The following DOCK2 variants were observed in gnomAD, a reference collection of about 807,000 sequenced individuals.
DOCK2 encodes dedicator of cytokinesis protein 2.
DOCK2 carries 87 observed loss-of-function variants against 248.9 expected under a neutral mutation model. That is an observed-to-expected ratio of 0.35 (90% CI 0.29 to 0.42). The LOEUF (loss-of-function observed/expected upper bound fraction) is 0.42, where lower values mean the gene tolerates loss of function less well. DOCK2 is among the 10% of genes least tolerant of loss of function. The probability of loss-of-function intolerance (pLI) is 1.00; values close to 1 mark genes in which losing one functional copy is unlikely to be tolerated. For synonymous variants in DOCK2, 805 were observed against 821.6 expected (o/e 0.98, Z 0.35); for missense variants, 1,747 against 2,300.2 (o/e 0.76, Z 4.92).
At chr5:169,753,905 T>C (rs155342) in intron 23 of DOCK2, among the ~76,000 whole-genome samples, 48,163 of 152,140 alleles carry the variant, frequency 0.32, 10,846 homozygotes, top group African/African-American at 0.62. Context: ...TTCCAGTTTC[T>C]ATGGACCTTG....
In DOCK2 at chr5:170,082,998, C is replaced by A; in HGVS notation, c.*140C>A. ...CCTTACTTAGAGGAGACAGAGAGGC[C>A]AATCAGGTCCCAGAGCTTGAATGCT... On this transcript the variant is annotated 3_prime_UTR_variant, in exon 52 of 52. Coordinates refer to ENST00000520908, the MANE Select transcript of DOCK2 (RefSeq NM_004946.3). 9.6e-7 allele frequency: 1 copy of A among 1,045,156 alleles called. No individual in the cohort carries two copies. The highest frequency in any genetic ancestry group is 1.4e-6 in the Non-Finnish European group (1 of 709,442). The allele number at this position is 1,045,156 out of a possible 1,614,324, so 64.7% of individuals were successfully genotyped here.
chr5:169,761,145 A>C (rs908528738), intron 24 of DOCK2, among the ~76,000 whole-genome samples: 1 of 152,240 alleles, frequency 6.6e-6, no homozygotes. Context: ...TCCTAGCTGC[A>C]TAACCTTAGA....
chr5:169,738,304 T>G (rs1055558530), intron 22 of DOCK2, among the ~76,000 whole-genome samples: 1 of 152,030 alleles, frequency 6.6e-6, no homozygotes, highest in Non-Finnish European at 1.5e-5. Flanking sequence ...AGAAACTGGA[T>G]TGAAAGAAAA....
chr5:169,791,930 A>G (rs1766361133), intron 25 of DOCK2, among the ~76,000 whole-genome samples: 2 of 152,192 alleles, frequency 1.3e-5, no homozygotes, highest in Non-Finnish European at 2.9e-5. Flanking sequence ...AAAATATGTT[A>G]TAGTGACCCT....
chr5:170,036,652 C>A, intron 36 of DOCK2, 97 bp downstream of exon 36: 1 of 1,216,222 alleles, frequency 8.2e-7, no homozygotes, highest in Non-Finnish European at 1.1e-6. Flanking sequence ...AAAATTTAAA[C>A]TTCTCTTCTT....
chr5:170,003,368 C>T (rs143366433), intron 30 of DOCK2, among the ~76,000 whole-genome samples: 30 of 152,370 alleles, frequency 2.0e-4, no homozygotes, highest in Middle Eastern at 3.4e-3. Context: ...AAGACACTGA[C>T]ACATGTGCTC....
chr5:169,639,555 C>T (rs1478519681), intron 1 of DOCK2, among the ~76,000 whole-genome samples: 1 of 152,214 alleles, frequency 6.6e-6, no homozygotes, highest in Admixed American at 6.5e-5. Context: ...ACTTCTGCCT[C>T]CTGAGCCACA....
intron 22 of DOCK2, among the ~76,000 whole-genome samples, chr5:169,730,483 C>T (rs1170225298): frequency 1.3e-5 from 2 of 152,150 alleles, no homozygotes; most frequent in African/African-American, 4.8e-5. Context: ...TTATTCTAGG[C>T]ACATTGCAAA....
intron 27 of DOCK2, among the ~76,000 whole-genome samples, chr5:169,905,279 C>A (rs1017584061): frequency 3.8e-5 from 5 of 130,770 alleles, no homozygotes; most frequent in African/African-American, 1.2e-4. Flanking sequence ...AGGAGCAGTA[C>A]TGTTAGAGCC....
At chr5:169,808,594 C>G (rs532590039) in intron 26 of DOCK2, among the ~76,000 whole-genome samples, 65 of 152,036 alleles carry the variant, frequency 4.3e-4, no homozygotes, top group African/African-American at 1.4e-3. Context: ...TTTTCTCCCC[C>G]CTCACTGAGC....
Position 169,949,095 on chromosome 5 carries a change from A to G in DOCK2, c.2800-33973A>G, listed in dbSNP as rs372471292. 1.8e-3 allele frequency among the ~76,000 whole-genome samples: 280 copies of G among 152,324 alleles called. 6 individuals carry two copies. The South Asian group carries it at 0.048, about 26-fold the overall frequency. On this transcript the variant is annotated intron_variant, in intron 27 of 51. Coordinates refer to ENST00000520908, the MANE Select transcript of DOCK2 (RefSeq NM_004946.3). ...AGGAAAAGCAGAGCATGTGGATAAA[A>G]GTGTATAGCCCTGTATTCGAATTTC...
At chr5:169,874,098 T>A (rs1772158674) in intron 27 of DOCK2, among the ~76,000 whole-genome samples, 2 of 151,870 alleles carry the variant, frequency 1.3e-5, no homozygotes, top group Admixed American at 1.3e-4. Flanking sequence ...AATTTATGAG[T>A]GGATGCATCA....
chr5:169,829,521 G>A (rs1252468514), intron 26 of DOCK2, among the ~76,000 whole-genome samples: 1 of 152,156 alleles, frequency 6.6e-6, no homozygotes, highest in Admixed American at 6.6e-5. Context: ...GACGATTGCT[G>A]CAGGGCCATT....
intron 27 of DOCK2, among the ~76,000 whole-genome samples, chr5:169,964,622 T>C (rs904993738): frequency 2.0e-5 from 3 of 152,188 alleles, no homozygotes; most frequent in African/African-American, 7.2e-5. Flanking sequence ...ATGGTCAAAG[T>C]TGGTAAGCCA....
intron 26 of DOCK2, among the ~76,000 whole-genome samples, chr5:169,811,251 A>T (rs781354993): frequency 3.9e-5 from 6 of 151,946 alleles, no homozygotes; most frequent in Non-Finnish European, 5.9e-5. Flanking sequence ...CCCTGTGGCC[A>T]CTCTGAGCTC....
intron 7 of DOCK2, 136 bp downstream of exon 7, chr5:169,682,015 A>G: frequency 7.9e-7 from 1 of 1,260,646 alleles, no homozygotes; most frequent in Non-Finnish European, 1.1e-6. Context: ...ATCAGCAACC[A>G]CATGTGTTTA....
chr5:169,794,169 T>G (rs771474333), intron 25 of DOCK2, among the ~76,000 whole-genome samples: 9 of 152,154 alleles, frequency 5.9e-5, no homozygotes, highest in Non-Finnish European at 8.8e-5. Flanking sequence ...CCGCCGGGTC[T>G]GAACATTCCA....
intron 27 of DOCK2, among the ~76,000 whole-genome samples, chr5:169,953,584 C>T (rs1167516495): frequency 6.6e-6 from 1 of 152,094 alleles, no homozygotes; most frequent in Non-Finnish European, 1.5e-5. Context: ...TTATTAATAG[C>T]ATTAGACGAG....
At chr5:169,867,577 A>T (rs144983053) in intron 27 of DOCK2, among the ~76,000 whole-genome samples, 21 of 151,864 alleles carry the variant, frequency 1.4e-4, no homozygotes, top group African/African-American at 5.1e-4. Flanking sequence ...TCTATCATCT[A>T]TCTGTCATCT....
Sources: gnomAD v4.1 joint callset for allele counts (sites outside exome capture counted in the v4.1 genomes callset) on GRCh38, gnomAD v4.1.1 for gene constraint, MANE v1.5 for transcripts, NCBI Gene and HGNC (gene_info 2026-07-23, HGNC 2026-07-21) for gene names.